The following TPRG1 variants were observed in gnomAD, a reference collection of about 807,000 sequenced individuals.
TPRG1 encodes the protein tumor protein p63 regulated 1.
TPRG1 carries 29 observed loss-of-function variants against 29.3 expected under a neutral mutation model. That is an observed-to-expected ratio of 0.99 (90% CI 0.74 to 1.35). The LOEUF (loss-of-function observed/expected upper bound fraction) is 1.35, where lower values mean the gene tolerates loss of function less well. TPRG1 is among the 40% of genes most tolerant of loss of function. TPRG1 has a pLI of 0.00. For missense variants in TPRG1, 327 were observed against 335.0 expected (o/e 0.98, Z 0.19); for synonymous variants, 130 against 116.8 (o/e 1.11, Z -0.73).
chr3:189,240,010 A>AAT lies in TPRG1; in HGVS notation c.479+1102_479+1103dup, dbSNP rs1740272367. Among the ~76,000 whole-genome samples, 3 of 152,298 alleles carry AAT rather than the reference A, an allele frequency of 2.0e-5. No individual in the cohort carries two copies. In the South Asian group the frequency reaches 6.2e-4, roughly 32 times the overall value. On this transcript the variant is annotated intron_variant, in intron 4 of 5. Transcript: ENST00000345063. ...TTGAACCGTGAATTCCTTGCGGGCAAATGTTGATTTTGTTGTCCTTTAAGC... is the reference window on the plus strand; with the variant it reads ...TTGAACCGTGAATTCCTTGCGGGCAAATATGTTGATTTTGTTGTCCTTTAAGC...
chr3:189,190,769 A>G (rs1182433613), intron 1 of TPRG1, among the ~76,000 whole-genome samples: 1 of 152,212 alleles, frequency 6.6e-6, no homozygotes, highest in East Asian at 1.9e-4. Flanking sequence ...TACAACATAC[A>G]TGTACATTTA....
intron 3 of TPRG1, among the ~76,000 whole-genome samples, chr3:189,233,217 A>G (rs181779841): frequency 6.6e-6 from 1 of 151,940 alleles, no homozygotes; most frequent in Admixed American, 6.6e-5. Context: ...AGAGAGGGAG[A>G]CAGAGAATAA....
chr3:189,006,564 G>A (rs1712297296), intron 3 of TPRG1, among the ~76,000 whole-genome samples: 1 of 152,052 alleles, frequency 6.6e-6, no homozygotes, highest in Non-Finnish European at 1.5e-5. Flanking sequence ...CTATAATGGA[G>A]TTCTAATCAC....
chr3:189,245,676 A>T (rs57096741), intron 4 of TPRG1, among the ~76,000 whole-genome samples: 15,192 of 152,138 alleles, frequency 0.1, 1,012 homozygotes, highest in East Asian at 0.16. Context: ...ACAAATATCA[A>T]TTGGGATATT....
chr3:189,123,326 C>A (rs1722052652), intron 1 of TPRG1, among the ~76,000 whole-genome samples: 1 of 152,076 alleles, frequency 6.6e-6, no homozygotes, highest in African/African-American at 2.4e-5. Context: ...TGGTCTGTTA[C>A]AATAATAATA....
At chr3:189,174,365 C>A (rs1228389750) in intron 1 of TPRG1, among the ~76,000 whole-genome samples, 1 of 152,146 alleles carries the variant, frequency 6.6e-6, no homozygotes, top group East Asian at 1.9e-4. Flanking sequence ...GGACCCACAT[C>A]CCCTCATGGA....
chr3:189,276,433 G>A (rs1047927280), intron 4 of TPRG1, among the ~76,000 whole-genome samples: 5 of 152,184 alleles, frequency 3.3e-5, no homozygotes, highest in African/African-American at 4.8e-5. Flanking sequence ...AAGGAATTGT[G>A]TGAAATTTAG....
intron 4 of TPRG1, among the ~76,000 whole-genome samples, chr3:189,280,479 GC>G (rs1424990787): frequency 2.6e-5 from 4 of 152,070 alleles, no homozygotes; most frequent in Admixed American, 1.3e-4. Context: ...AAAACTTAGA[GC>G]TTTTTTATGC....
chr3:189,128,722 A>G (rs777345830), intron 2 of TPRG1, among the ~76,000 whole-genome samples: 74 of 152,208 alleles, frequency 4.9e-4, no homozygotes, highest in Non-Finnish European at 9.3e-4. Context: ...ACCTAAGGAC[A>G]TGCCACTGGT....
chr3:189,101,154 A>G (rs757582609), intron 1 of TPRG1, among the ~76,000 whole-genome samples: 1 of 150,848 alleles, frequency 6.6e-6, no homozygotes, highest in Admixed American at 6.6e-5. Context: ...CCCCCTTCCA[A>G]CTCTTTTCAC....
At chr3:189,086,906 T>C (rs995739098) in intron 4 of TPRG1, among the ~76,000 whole-genome samples, 3 of 152,200 alleles carry the variant, frequency 2.0e-5, no homozygotes, top group African/African-American at 7.2e-5. Context: ...CAGTCTATCA[T>C]TGATGTACAT....
At chr3:189,292,733 G>T (rs1719225786) in intron 4 of TPRG1, among the ~76,000 whole-genome samples, 1 of 152,162 alleles carries the variant, frequency 6.6e-6, no homozygotes, top group African/African-American at 2.4e-5. Context: ...AAGCTTTAAG[G>T]TGACAAGTTA....
chr3:189,059,810 C>T (rs1313772875), intron 4 of TPRG1, among the ~76,000 whole-genome samples: 1 of 152,104 alleles, frequency 6.6e-6, no homozygotes, highest in East Asian at 1.9e-4. Flanking sequence ...GCTTCATCCC[C>T]AGGATGCAAG....
chr3:189,207,256 A>C, intron 1 of TPRG1, 120 bp from the exon 2 acceptor site: 1 of 1,440,780 alleles, frequency 6.9e-7, no homozygotes, highest in South Asian at 1.4e-5. Context: ...TTTAGTTAAC[A>C]TGAAGGATGT....
At chr3:189,131,735 G>A (rs1389379770) in intron 2 of TPRG1, among the ~76,000 whole-genome samples, 1 of 152,160 alleles carries the variant, frequency 6.6e-6, no homozygotes, top group East Asian at 1.9e-4. Context: ...GGCTTTCAAA[G>A]CTAAGAGTGA....
chr3:189,127,491 A>G (rs539528078), intron 2 of TPRG1, among the ~76,000 whole-genome samples: 2 of 152,244 alleles, frequency 1.3e-5, no homozygotes, highest in Non-Finnish European at 2.9e-5. Context: ...TTAGTGGTCA[A>G]TGGGCCTCTC....
At chr3:189,188,945 A>T (rs951241871) in intron 1 of TPRG1, among the ~76,000 whole-genome samples, 9 of 152,172 alleles carry the variant, frequency 5.9e-5, no homozygotes, top group Non-Finnish European at 1.3e-4. Context: ...TTACTTTTGG[A>T]GATTTTCTGA....
At chr3:189,269,327 C>A (rs1467290808) in intron 4 of TPRG1, among the ~76,000 whole-genome samples, 1 of 152,124 alleles carries the variant, frequency 6.6e-6, no homozygotes, top group African/African-American at 2.4e-5. Context: ...TCTAAATCTT[C>A]TTTTAATCAC....
chr3:189,125,334 C>A (rs2108515260), intron 1 of TPRG1, among the ~76,000 whole-genome samples: 2 of 152,214 alleles, frequency 1.3e-5, no homozygotes, highest in South Asian at 4.2e-4. Flanking sequence ...TCCCAGTTAA[C>A]CTCCCGTATT....
Sources: gnomAD v4.1 joint callset for allele counts (sites outside exome capture counted in the v4.1 genomes callset) on GRCh38, gnomAD v4.1.1 for gene constraint, MANE v1.5 for transcripts, NCBI Gene and HGNC (gene_info 2026-07-23, HGNC 2026-07-21) for gene names.